PLEKHG3: variants seen among roughly 807,000 people sequenced by gnomAD.
PLEKHG3 encodes the protein pleckstrin homology and RhoGEF domain containing G3, also known as pleckstrin homology domain-containing family G member 3.
Under a neutral mutation model 94.9 loss-of-function variants are expected in PLEKHG3, and 62 were observed. The observed-to-expected ratio is 0.65, with a 90% CI of 0.53 to 0.81. The LOEUF is 0.81. PLEKHG3 is among the 30% of genes least tolerant of loss of function. PLEKHG3 has a pLI of 0.00. For synonymous variants in PLEKHG3, 614 were observed against 654.0 expected, an observed-to-expected ratio of 0.94 and a Z score of 0.93; for missense variants, 1,461 against 1,619.3, an observed-to-expected ratio of 0.90 and a Z score of 1.68.
At chr14:64,742,517 G>A (rs2081725595) in intron 16 of PLEKHG3, 62 bp downstream of exon 16, 1 of 1,272,764 alleles carries the variant, frequency 7.9e-7, no homozygotes, top group Middle Eastern at 2.4e-4. Flanking sequence ...TCAATAAGGA[G>A]CCACTTGGCT....
At position 64,736,147 on chromosome 14, in the gene PLEKHG3, C is replaced by T. The variant is rs142730912; in HGVS notation, c.1346-706C>T. Among the ~76,000 whole-genome samples, 438 of 152,312 alleles carry T rather than the reference C, an allele frequency of 2.9e-3. 2 individuals carry two copies. The highest frequency in any genetic ancestry group is 5.2e-3 in the Non-Finnish European group (351 of 68,028). ...GGCAAGGATATGGATAGGCGAAGGC[C>T]GAGGCTCTGTAGAACTGGACCTTGA... On this transcript the variant is annotated intron_variant, in intron 12 of 16. Coordinates refer to ENST00000247226, the MANE Select transcript of PLEKHG3 (RefSeq NM_001308147.2).
rs1258692274 is a variant in PLEKHG3, at chr14:64,730,257, A to G, written c.464A>G (p.Asp155Gly). The G allele has an allele frequency of 2.0e-6, 3 of 1,533,892 alleles. No individual in the cohort carries two copies. Among genetic ancestry groups the G allele is most frequent in the East Asian group, 4.9e-5 (2 of 40,918 alleles). ...IYALNSQLLR[D>G]LDSCNSDPVA... ...CCCTCACCCAGCCAGCTCCTCAGAG[A>G]CCTGGACAGCTGCAATAGTGACCCC... Residue 155 changes from aspartate to glycine, a missense_variant, in exon 4 of 17, where the codon GAC becomes GGC. This residue lies in a region of PLEKHG3 where 253 missense variants were observed against 297.8 expected (regional missense o/e 0.85). Coordinates refer to ENST00000247226, the MANE Select transcript of PLEKHG3 (RefSeq NM_001308147.2). This position sits in a 1 kb window ranked among gnomAD's most constrained non-coding sequence, Gnocchi z 5.4.
Position 64,742,532 on chromosome 14 carries a change from G to C in PLEKHG3, c.2938+77G>C, listed in dbSNP as rs923062969. The stretch of plus-strand genomic sequence containing the variant: ...TCAATAAGGAGCCACTTGGCTCCTC[G>C]GGGAAAGTGACCTCTAAGGAGGCTC... On this transcript the variant is annotated intron_variant, in intron 16 of 16. Transcript: ENST00000247226. The C allele has an allele frequency of 5.5e-6, 6 of 1,099,902 alleles. No individual in the cohort carries two copies. The African/African-American group carries it at 9.5e-5, about 17-fold the overall frequency. 68.1% of individuals were successfully genotyped at this position (1,099,902 alleles called of 1,614,324 possible).
rs1292783462 is a variant in PLEKHG3 at position 64,741,924 on chromosome 14, A to G, written c.2407A>G (p.Ile803Val). The G allele has an allele frequency of 1.3e-6, 2 of 1,589,802 alleles. No individual in the cohort carries two copies. Among genetic ancestry groups the G allele is most frequent in the Non-Finnish European group, 8.6e-7 (1 of 1,169,358 alleles). Residue 803 changes from isoleucine (I) to valine (V), a missense_variant, in exon 16 of 17, where the codon ATC (isoleucine) becomes GTC (valine). Around this residue, in one of 3 missense-constraint regions of PLEKHG3, gnomAD observed 1,201 missense variants for 1,295.5 expected, o/e 0.93. Transcript: ENST00000247226. ...GGCAGTCAAAGGGGACCCACCTCCC[A>G]TCTCAGATGCTGAGTTCCGCCCATC... ...SQAVKGDPPP[I>V]SDAEFRPSSE...
In PLEKHG3 at chr14:64,716,546, CACACAA is replaced by C. The variant is rs2081165955; in HGVS notation, c.-39-11045_-39-11040del. ...ACACACACACACACACACACACACA[CACACAA>C]AGCAGAGTTAATCTCCCACTTCTTC... is the stretch of plus-strand genomic sequence containing the variant. On this transcript the variant is annotated intron_variant, in intron 1 of 16. Transcript: ENST00000247226. The surrounding 1 kb of genome is among the most constrained non-coding windows in gnomAD (Gnocchi z 5.0). 6.8e-6 allele frequency among the ~76,000 whole-genome samples: 1 copy of C among 146,772 alleles called. No homozygotes were observed. Among genetic ancestry groups the C allele is most frequent in the Non-Finnish European group, 1.5e-5 (1 of 66,484 alleles).
chr14:64,734,055 T>C (rs1294185839), intron 12 of PLEKHG3, among the ~76,000 whole-genome samples: 1 of 152,202 alleles, frequency 6.6e-6, no homozygotes, highest in Non-Finnish European at 1.5e-5. Flanking sequence ...TGATGACCTG[T>C]GGGTCCCCTG....
chr14:64,723,038 G>A lies in PLEKHG3; in HGVS notation c.-39-4555G>A, dbSNP rs1466517926. ...GGGCATGGTGCTGAGGCGTAGTGGG[G>A]AGGGGAAGGATGTGGCCCCAGTCTG... On this transcript the variant is annotated intron_variant, in intron 1 of 16. Coordinates refer to ENST00000247226, the MANE Select transcript of PLEKHG3 (RefSeq NM_001308147.2). The surrounding 1 kb of genome is among the most constrained non-coding windows in gnomAD (Gnocchi z 4.5). Among the ~76,000 whole-genome samples, 1 of 152,274 alleles carries A rather than the reference G, an allele frequency of 6.6e-6. No individual in the cohort carries two copies. Among genetic ancestry groups the A allele is most frequent in the Admixed American group, 6.5e-5 (1 of 15,308 alleles).
intron 12 of PLEKHG3, among the ~76,000 whole-genome samples, chr14:64,734,886 A>G (rs977616632): frequency 1.3e-5 from 2 of 151,368 alleles, no homozygotes; most frequent in African/African-American, 2.4e-5. Context: ...ACGCCCAGCT[A>G]GTTTTTTTTT....
Position 64,731,019 on chromosome 14 carries a change from G to A in PLEKHG3, c.718-19G>A, listed in dbSNP as rs1372724438. 1 of 1,613,926 alleles carries A rather than the reference G, an allele frequency of 6.2e-7. No homozygotes were observed. Among genetic ancestry groups the A allele is most frequent in the Non-Finnish European group, 8.5e-7 (1 of 1,180,034 alleles). ...GGGCCTTCGGGTCAGGGGCACCTAA[G>A]CGTCTATCTTCTGCGCAGGAAATTG... On this transcript the variant is annotated intron_variant, in intron 6 of 16. Coordinates refer to ENST00000247226, the MANE Select transcript of PLEKHG3 (RefSeq NM_001308147.2). This position sits in a 1 kb window ranked among gnomAD's most constrained non-coding sequence, Gnocchi z 6.1.
rs1004218224 is a variant in PLEKHG3 at position 64,749,145 on chromosome 14, C to A, written c.*5442C>A. On this transcript the variant is annotated 3_prime_UTR_variant, in exon 17 of 17. Coordinates refer to ENST00000247226, the MANE Select transcript of PLEKHG3 (RefSeq NM_001308147.2). This position sits in a 1 kb window ranked among gnomAD's most constrained non-coding sequence, Gnocchi z 4.7. The stretch of plus-strand genomic sequence containing the variant: ...GGAGGGGGCGTCGGCCCAGGACACG[C>A]GGGCGAAGGCAGCTTTTGCAGTGCA... 1.3e-6 allele frequency: 1 copy of A among 788,726 alleles called. No individual in the cohort carries two copies. Among genetic ancestry groups the A allele is most frequent in the Non-Finnish European group, 1.9e-6 (1 of 517,928 alleles). 48.9% of individuals were successfully genotyped at this position (788,726 alleles called of 1,614,324 possible). A position where few individuals can be genotyped will look rare whatever the true frequency, so the allele number is the denominator to read the frequency against.
intron 1 of PLEKHG3, among the ~76,000 whole-genome samples, chr14:64,709,501 C>G (rs1028499706): frequency 1.3e-5 from 2 of 152,162 alleles, no homozygotes; most frequent in African/African-American, 4.8e-5. Context: ...AAATAGGGTT[C>G]TCGTGGGCAC....
chr14:64,747,635 C>T lies in PLEKHG3; in HGVS notation c.*3932C>T, dbSNP rs543350534. ...GCACTGGTCAGCACTCAGGGTTCCT[C>T]AGGGGGCCTCATTCTGGATGCCTGC... is the stretch of plus-strand genomic sequence containing the variant. On this transcript the variant is annotated 3_prime_UTR_variant, in exon 17 of 17. Transcript: ENST00000247226. 3 of 152,410 alleles carry T rather than the reference C, an allele frequency of 2.0e-5. No homozygotes were observed. The highest frequency in any genetic ancestry group is 1.3e-4 in the Admixed American group (2 of 15,296). The allele number at this position is 152,410 out of a possible 1,614,324, so 9.4% of individuals were successfully genotyped here.
In PLEKHG3 at chr14:64,716,177, G is replaced by T. The variant is rs541462284; in HGVS notation, c.-39-11416G>T. ...CAACTCCGGGCCTCTAAGCCTTGCC[G>T]GACTTCCCCCAGGAAACCCAGCCAA... is the stretch of plus-strand genomic sequence containing the variant. On this transcript the variant is annotated intron_variant, in intron 1 of 16. Coordinates refer to ENST00000247226, the MANE Select transcript of PLEKHG3 (RefSeq NM_001308147.2). The surrounding 1 kb of genome is among the most constrained non-coding windows in gnomAD (Gnocchi z 5.0). 3 of 385,896 alleles carry T rather than the reference G, an allele frequency of 7.8e-6. No individual in the cohort carries two copies. The highest frequency in any genetic ancestry group is 1.6e-5 in the Non-Finnish European group (3 of 191,990). The allele number at this position is 385,896 out of a possible 1,614,324, so 23.9% of individuals were successfully genotyped here.
At chr14:64,735,943 T>C (rs1379144677) in intron 12 of PLEKHG3, among the ~76,000 whole-genome samples, 1 of 152,284 alleles carries the variant, frequency 6.6e-6, no homozygotes, top group African/African-American at 2.4e-5. Context: ...TAAAAACAAT[T>C]AGGCATTTAC....
intron 16 of PLEKHG3, among the ~76,000 whole-genome samples, chr14:64,742,658 C>A (rs1042989552): frequency 6.6e-6 from 1 of 152,180 alleles, no homozygotes; most frequent in Non-Finnish European, 1.5e-5. Flanking sequence ...TGGTTAAGCC[C>A]TTTTGATGCC....
chr14:64,740,259 G>A (rs565940011), intron 15 of PLEKHG3, among the ~76,000 whole-genome samples: 2 of 148,634 alleles, frequency 1.3e-5, no homozygotes, highest in South Asian at 4.3e-4. Context: ...TAGAACAGAA[G>A]GAATTATGTC....
chr14:64,731,029 TCTG>T lies in PLEKHG3; in HGVS notation c.718-7_718-5del. 1 of 1,614,064 alleles carries T rather than the reference TCTG, an allele frequency of 6.2e-7. No individual in the cohort carries two copies. The highest frequency in any genetic ancestry group is 8.5e-7 in the Non-Finnish European group (1 of 1,180,006). On this transcript the variant is annotated splice_region_variant and splice_polypyrimidine_tract_variant and intron_variant, in intron 6 of 16. Transcript: ENST00000247226. The surrounding 1 kb of genome is among the most constrained non-coding windows in gnomAD (Gnocchi z 6.1). ...GTCAGGGGCACCTAAGCGTCTATCT[TCTG>T]CGCAGGAAATTGCCAAGCATTTTGA...
rs574431375 is a variant in PLEKHG3, at chr14:64,742,239, G to A, written c.2722G>A (p.Val908Met). The A allele has an allele frequency of 1.2e-4, 197 of 1,613,070 alleles. 4 individuals carry two copies. In the South Asian group the frequency reaches 2.0e-3, roughly 16 times the overall value. Residue 908 changes from valine to methionine, a missense_variant, in exon 16 of 17, where the codon GTG becomes ATG. By Grantham distance (21) the Val-to-Met change is conservative. This residue lies in a region of PLEKHG3 where 1,201 missense variants were observed against 1,295.5 expected (regional missense o/e 0.93). Coordinates refer to ENST00000247226, the MANE Select transcript of PLEKHG3 (RefSeq NM_001308147.2). ...ELVAPLHPRI[V>M]QLSHVMDSHV... is the part of the protein sequence containing the mutation. ...GGTGGCCCCACTGCACCCCCGCATC[G>A]TGCAGCTCTCCCACGTAATGGACAG...
At position 64,721,255 on chromosome 14, in the gene PLEKHG3, T is replaced by G. The variant is rs1225392308; in HGVS notation, c.-39-6338T>G. 6.6e-6 allele frequency among the ~76,000 whole-genome samples: 1 copy of G among 152,080 alleles called. No individual in the cohort carries two copies. Among genetic ancestry groups the G allele is most frequent in the African/African-American group, 2.4e-5 (1 of 41,406 alleles). ...AGGGTCTGGGGACACATTCCAGGTT[T>G]GGGAGACAACATGGGCACATGTTGG... On this transcript the variant is annotated intron_variant, in intron 1 of 16. Transcript: ENST00000247226. The surrounding 1 kb of genome is among the most constrained non-coding windows in gnomAD (Gnocchi z 4.3).
Sources: gnomAD v4.1 joint callset for allele counts (sites outside exome capture counted in the v4.1 genomes callset) on GRCh38, gnomAD v4.1.1 for gene constraint, gnomAD v4.1.1 regional missense constraint, Gnocchi (gnomAD v3.1) non-coding constraint, MANE v1.5 for transcripts, NCBI Gene and HGNC (gene_info 2026-07-23, HGNC 2026-07-21) for gene names.